Variants in PTK2 observed in about 807,000 individuals in gnomAD.
PTK2 encodes the protein focal adhesion kinase 1.
In PTK2, 45 loss-of-function variants were observed where a neutral mutation model predicts 150.1. The ratio of observed to expected loss-of-function variants is 0.30; its 90% CI spans 0.24 to 0.38. PTK2 has a LOEUF of 0.38. PTK2 is among the 10% of genes least tolerant of loss of function. The probability of loss-of-function intolerance (pLI) is 1.00; values close to 1 mark genes in which losing one functional copy is unlikely to be tolerated. For synonymous variants in PTK2, 432 were observed against 449.2 expected (o/e 0.96, Z 0.48); for missense variants, 919 against 1,307.3 (o/e 0.70, Z 4.58).
intron 28 of PTK2, among the ~76,000 whole-genome samples, chr8:140,674,874 C>T (rs1246412588): frequency 1.3e-5 from 2 of 150,118 alleles, no homozygotes; most frequent in African/African-American, 4.9e-5. Flanking sequence ...CGATGAAACC[C>T]CATCTCTAGT....
intron 21 of PTK2, among the ~76,000 whole-genome samples, chr8:140,737,363 A>G (rs900891755): frequency 1.3e-5 from 2 of 152,134 alleles, no homozygotes; most frequent in Admixed American, 1.3e-4. Flanking sequence ...TTGGCCTCCC[A>G]AAGTACTAGC....
At chr8:140,704,962 A>C (rs973101486) in intron 24 of PTK2, among the ~76,000 whole-genome samples, 2 of 152,188 alleles carry the variant, frequency 1.3e-5, no homozygotes, top group Non-Finnish European at 2.9e-5. Context: ...TCGAAAACTC[A>C]AATGATTCAC....
At chr8:140,852,318 A>C (rs554339909) in intron 5 of PTK2, among the ~76,000 whole-genome samples, 1 of 152,352 alleles carries the variant, frequency 6.6e-6, no homozygotes, top group African/African-American at 2.4e-5. Flanking sequence ...GGGATGGGAC[A>C]GCATGTGACT....
chr8:140,689,266 C>T (rs928077338), intron 26 of PTK2, among the ~76,000 whole-genome samples: 6 of 152,110 alleles, frequency 3.9e-5, no homozygotes, highest in African/African-American at 1.4e-4. Flanking sequence ...CCCAAACATC[C>T]CAGATATGCT....
intron 2 of PTK2, among the ~76,000 whole-genome samples, chr8:140,923,892 G>C (rs1187490363): frequency 6.6e-6 from 1 of 151,640 alleles, no homozygotes; most frequent in Non-Finnish European, 1.5e-5. Context: ...CCTCCTACCT[G>C]GTCTCTCTGC....
chr8:140,673,643 G>A (rs1357907589), intron 29 of PTK2, among the ~76,000 whole-genome samples: 1 of 152,162 alleles, frequency 6.6e-6, no homozygotes, highest in Admixed American at 6.5e-5. Context: ...TCTCAGGGAG[G>A]AGGGCTGCTG....
chr8:140,863,448 T>C (rs2100137427), intron 5 of PTK2, among the ~76,000 whole-genome samples: 1 of 152,204 alleles, frequency 6.6e-6, no homozygotes, highest in African/African-American at 2.4e-5. Flanking sequence ...GGAGAAAACC[T>C]AAACCCCTGT....
At chr8:140,958,710 A>G (rs2154609305) in intron 1 of PTK2, among the ~76,000 whole-genome samples, 1 of 152,348 alleles carries the variant, frequency 6.6e-6, no homozygotes, top group African/African-American at 2.4e-5. Context: ...TATACTAATA[A>G]TGTTTAAATT....
intron 20 of PTK2, among the ~76,000 whole-genome samples, chr8:140,741,206 C>T (rs2100055451): frequency 6.6e-6 from 1 of 151,882 alleles, no homozygotes; most frequent in Admixed American, 6.6e-5. Flanking sequence ...AATCCCAGCA[C>T]TTTGGGAGGC....
At chr8:140,903,004 T>C (rs1041141713) in intron 2 of PTK2, among the ~76,000 whole-genome samples, 2 of 147,812 alleles carry the variant, frequency 1.4e-5, no homozygotes, top group Admixed American at 6.8e-5. Flanking sequence ...ATTTGTCAAT[T>C]TGGCTTTTGT....
intron 3 of PTK2, among the ~76,000 whole-genome samples, chr8:140,880,894 G>A (rs980215101): frequency 9.9e-5 from 15 of 152,180 alleles, no homozygotes; most frequent in South Asian, 2.1e-4. Flanking sequence ...AGGGCACTGA[G>A]TGAATGAAGT....
chr8:140,764,031 C>A, intron 15 of PTK2: 1 of 595,126 alleles, frequency 1.7e-6, no homozygotes, highest in Non-Finnish European at 3.0e-6. Flanking sequence ...AAAATTATTA[C>A]AGATATTTGA....
chr8:140,706,781 A>C (rs75595295), intron 23 of PTK2, among the ~76,000 whole-genome samples: 5,381 of 152,296 alleles, frequency 0.035, 311 homozygotes, highest in African/African-American at 0.12. Context: ...CATGTAGATC[A>C]GCTACTCAGG....
At position 140,927,975 on chromosome 8, in the gene PTK2, A is replaced by AATATATATATATAT. The variant is rs1179717665; in HGVS notation, c.-121-2240_-121-2227dup. Among the ~76,000 whole-genome samples the AATATATATATATAT allele has an allele frequency of 3.1e-3, 148 of 48,124 alleles. 2 individuals are homozygous for AATATATATATATAT. The highest frequency in any genetic ancestry group is 7.9e-3 in the African/African-American group (81 of 10,196). 31.6% of individuals were successfully genotyped at this position (48,124 alleles called of 152,430 possible). ...AAAAAAAAGAAAAAAAAAAAAAAAAAATATATATATATATATATGTATATA... is the reference window on the plus strand; with the variant it reads ...AAAAAAAAGAAAAAAAAAAAAAAAAAATATATATATATATATATATATATATATATATGTATATA... On this transcript the variant is annotated intron_variant, in intron 1 of 31. Coordinates refer to ENST00000522684, the Ensembl canonical transcript of PTK2.
exon 9 of PTK2, chr8:140,818,894 T>G: frequency 6.2e-7 from 1 of 1,613,502 alleles, no homozygotes; most frequent in Non-Finnish European, 8.5e-7. Flanking sequence ...AGAGCACACT[T>G]GAAGCATTCC....
At chr8:140,866,497 C>T (rs1567809214) in intron 4 of PTK2, among the ~76,000 whole-genome samples, 1 of 152,172 alleles carries the variant, frequency 6.6e-6, no homozygotes, top group Non-Finnish European at 1.5e-5. Context: ...TAAAGATCAC[C>T]TATGCCTGAA....
intron 12 of PTK2, among the ~76,000 whole-genome samples, chr8:140,796,247 C>T (rs180995258): frequency 2.0e-5 from 3 of 152,324 alleles, no homozygotes; most frequent in Non-Finnish European, 4.4e-5. Flanking sequence ...TGCATATATA[C>T]AACTCACTGC....
intron 1 of PTK2, among the ~76,000 whole-genome samples, chr8:140,990,375 T>A (rs1167085326): frequency 6.6e-6 from 1 of 151,972 alleles, no homozygotes; most frequent in Non-Finnish European, 1.5e-5. Flanking sequence ...GCTGGGACTA[T>A]AGGCATGTAC....
In PTK2 at chr8:140,966,813, A is replaced by C. The variant is rs186206628; in HGVS notation, c.-122+34312T>G. Among the ~76,000 whole-genome samples the C allele has an allele frequency of 2.3e-3, 353 of 152,348 alleles. 2 individuals are homozygous for C. Among genetic ancestry groups the C allele is most frequent in the African/African-American group, 7.9e-3 (329 of 41,582 alleles). On this transcript the variant is annotated intron_variant, in intron 1 of 31. Coordinates refer to ENST00000522684, the Ensembl canonical transcript of PTK2. ...TGTATTTTAAGATAGGTATAAATAG[A>C]TGCTTGGGCTGCTCTGAACCCTTTT...
Sources: gnomAD v4.1 joint callset for allele counts (sites outside exome capture counted in the v4.1 genomes callset) on GRCh38, gnomAD v4.1.1 for gene constraint, MANE v1.5 for transcripts, NCBI Gene and HGNC (gene_info 2026-07-23, HGNC 2026-07-21) for gene names.